LYPD6B: variants seen among roughly 807,000 people sequenced by gnomAD.
LYPD6B encodes the protein ly6/PLAUR domain-containing protein 6B.
In LYPD6B, 17 loss-of-function variants were observed where a neutral mutation model predicts 22.8. That is an observed-to-expected ratio of 0.75 (90% CI 0.51 to 1.12). The LOEUF (loss-of-function observed/expected upper bound fraction) is 1.12. Ranked by LOEUF, LYPD6B falls within the 50% of genes most tolerant of loss-of-function variation. LYPD6B has a pLI of 0.00. For missense variants in LYPD6B, 221 were observed against 258.3 expected (o/e 0.86, Z 0.99); for synonymous variants, 106 against 91.6 (o/e 1.16, Z -0.90).
chr2:149,191,725 T>G (rs1575154642), intron 3 of LYPD6B, among the ~76,000 whole-genome samples: 1 of 152,362 alleles, frequency 6.6e-6, no homozygotes, highest in African/African-American at 2.4e-5. Context: ...CCTGGTGATT[T>G]AGAAACTGGC....
chr2:149,212,383 A>AAAAAAAAAAC (rs1693921325), intron 5 of LYPD6B, among the ~76,000 whole-genome samples: 1 of 117,842 alleles, frequency 8.5e-6, no homozygotes, highest in Non-Finnish European at 1.9e-5. Flanking sequence ...TCCGTCTCAA[A>AAAAAAAAAAC]AAAAAAAAAA....
intron 1 of LYPD6B, chr2:149,068,820 A>G (rs1684460343): frequency 1.7e-5 from 7 of 416,956 alleles, no homozygotes; most frequent in South Asian, 1.4e-4. Context: ...GGCCCACATC[A>G]TGTGCCTGAG....
At chr2:149,139,580 G>A (rs903034634) in intron 2 of LYPD6B, among the ~76,000 whole-genome samples, 1 of 152,176 alleles carries the variant, frequency 6.6e-6, no homozygotes, top group Non-Finnish European at 1.5e-5. Flanking sequence ...CATTTAAACA[G>A]CAAGGCACTG....
chr2:149,049,034 A>G (rs1298894035), intron 1 of LYPD6B, among the ~76,000 whole-genome samples: 3 of 152,162 alleles, frequency 2.0e-5, no homozygotes, highest in Non-Finnish European at 4.4e-5. Flanking sequence ...CTCCTGGTCT[A>G]AGTATCACTT....
intron 2 of LYPD6B, chr2:149,131,352 A>AT (rs1273235382): frequency 1.8e-5 from 3 of 169,256 alleles, no homozygotes; most frequent in African/African-American, 7.2e-5. Flanking sequence ...ATAAGCAGCA[A>AT]TTTTTTGATT....
At chr2:149,174,130 T>TAG (rs1691075081) in intron 3 of LYPD6B, among the ~76,000 whole-genome samples, 1 of 152,214 alleles carries the variant, frequency 6.6e-6, no homozygotes, top group Non-Finnish European at 1.5e-5. Flanking sequence ...GCTGTATTCC[T>TAG]AGATATTTTA....
At chr2:149,118,013 G>T (rs768839783) in intron 1 of LYPD6B, among the ~76,000 whole-genome samples, 4 of 152,120 alleles carry the variant, frequency 2.6e-5, no homozygotes, top group Non-Finnish European at 4.4e-5. Context: ...TCTCCATGTG[G>T]ATCTCTTTGA....
At chr2:149,052,451 A>G (rs1339813967) in intron 1 of LYPD6B, among the ~76,000 whole-genome samples, 1 of 152,208 alleles carries the variant, frequency 6.6e-6, no homozygotes, top group Non-Finnish European at 1.5e-5. Flanking sequence ...AGCTACTATA[A>G]ATCTGGACAA....
rs535651750 is a variant in LYPD6B, at chr2:149,059,220, A to G, written c.-67+20419A>G. ...CTTTTCGACCCCATATCAAGTCCCT[A>G]CCTCTCTGTTCCCTGTCATGGGAAT... is the stretch of plus-strand genomic sequence containing the variant. On this transcript the variant is annotated intron_variant, in intron 1 of 6. Coordinates refer to ENST00000409642, the MANE Select transcript of LYPD6B (RefSeq NM_177964.5). Among the ~76,000 whole-genome samples, 4 of 152,178 alleles carry G rather than the reference A, an allele frequency of 2.6e-5. No individual in the cohort carries two copies. In the South Asian group the frequency reaches 8.3e-4, roughly 32 times the overall value.
intron 3 of LYPD6B, among the ~76,000 whole-genome samples, chr2:149,183,472 A>G (rs552988085): frequency 2.0e-5 from 3 of 152,036 alleles, no homozygotes; most frequent in South Asian, 2.1e-4. Context: ...CATTTGTTCT[A>G]TGTGGCCAAT....
intron 1 of LYPD6B, among the ~76,000 whole-genome samples, chr2:149,085,597 G>A (rs1685351174): frequency 6.6e-6 from 1 of 152,190 alleles, no homozygotes; most frequent in Non-Finnish European, 1.5e-5. Context: ...TTAACTGTTG[G>A]CAACAAGCTT....
chr2:149,047,656 G>T (rs1397735257), intron 1 of LYPD6B, among the ~76,000 whole-genome samples: 1 of 151,504 alleles, frequency 6.6e-6, no homozygotes, highest in Middle Eastern at 3.2e-3. Flanking sequence ...TCTGTGATTT[G>T]GTATCTGTCA....
intron 3 of LYPD6B, among the ~76,000 whole-genome samples, chr2:149,163,631 T>C (rs1162659277): frequency 6.6e-6 from 1 of 152,190 alleles, no homozygotes; most frequent in African/African-American, 2.4e-5. Flanking sequence ...GTAATTTCCC[T>C]ATAAAGTTGG....
At chr2:149,172,730 C>T (rs1690929786) in intron 3 of LYPD6B, among the ~76,000 whole-genome samples, 1 of 152,106 alleles carries the variant, frequency 6.6e-6, no homozygotes, top group Non-Finnish European at 1.5e-5. Flanking sequence ...TAGGTGGGTA[C>T]TGTCCAATCC....
chr2:149,049,357 GCA>G (rs144024995), intron 1 of LYPD6B, among the ~76,000 whole-genome samples: 36 of 151,212 alleles, frequency 2.4e-4, no homozygotes, highest in East Asian at 1.2e-3. Context: ...GCATGCACAT[GCA>G]CACACACACA....
chr2:149,085,879 G>A (rs866826834), intron 1 of LYPD6B, among the ~76,000 whole-genome samples: 1 of 111,934 alleles, frequency 8.9e-6, no homozygotes, highest in African/African-American at 3.3e-5. Context: ...TCACAGACTA[G>A]TAGGAGAGGA....
chr2:149,148,182 A>G lies in LYPD6B; in HGVS notation c.6-12582A>G, dbSNP rs144230476. ...GCAGCTGCATGTGAAAATTGATTTA[A>G]CATGTCAAATCTTGGATATTTCTTC... On this transcript the variant is annotated intron_variant, in intron 2 of 6. Transcript: ENST00000409642. Among the ~76,000 whole-genome samples the G allele has an allele frequency of 1.5e-3, 233 of 152,270 alleles. 1 individual carries two copies. The highest frequency in any genetic ancestry group is 5.4e-3 in the African/African-American group (226 of 41,558).
At chr2:149,079,716 G>A (rs1286519685) in intron 1 of LYPD6B, among the ~76,000 whole-genome samples, 1 of 152,120 alleles carries the variant, frequency 6.6e-6, no homozygotes, top group African/African-American at 2.4e-5. Context: ...GTCTATGGGG[G>A]AAGGTGTGCT....
chr2:149,071,969 T>C (rs956874124), intron 1 of LYPD6B, among the ~76,000 whole-genome samples: 1 of 152,180 alleles, frequency 6.6e-6, no homozygotes, highest in African/African-American at 2.4e-5. Context: ...TCTTGCTTTG[T>C]CACCCAAGCT....
Sources: allele counts gnomAD v4.1 joint callset (sites outside exome capture counted in the v4.1 genomes callset), GRCh38; gene constraint gnomAD v4.1.1; transcripts MANE v1.5; gene names NCBI Gene and HGNC (gene_info 2026-07-23, HGNC 2026-07-21).